The following GRIK4 variants were observed in gnomAD, a reference collection of about 807,000 sequenced individuals.
GRIK4 encodes the protein glutamate ionotropic receptor kainate type subunit 4.
A neutral mutation model predicts 104.9 loss-of-function variants in GRIK4; 40 were observed. The ratio of observed to expected loss-of-function variants is 0.38; its 90% confidence interval spans 0.30 to 0.50. GRIK4 has a LOEUF of 0.50. Among genes scored for constraint, GRIK4 ranks in the 20% least tolerant of loss-of-function variants. The pLI is 0.93. For synonymous variants in GRIK4, 485 were observed against 524.9 expected, an observed-to-expected ratio of 0.92 and a Z score of 1.04; for missense variants, 1,047 against 1,308.1, an observed-to-expected ratio of 0.80 and a Z score of 3.08.
intron 1 of GRIK4, among the ~76,000 whole-genome samples, chr11:120,518,652 C>A (rs1947759262): frequency 6.6e-6 from 1 of 152,150 alleles, no homozygotes; most frequent in African/African-American, 2.4e-5. Flanking sequence ...GAGATGGAGT[C>A]TGGCTCTGTT....
intron 7 of GRIK4, among the ~76,000 whole-genome samples, chr11:120,833,149 T>A (rs2135566934): frequency 6.7e-6 from 1 of 149,480 alleles, no homozygotes; most frequent in African/African-American, 2.4e-5. Flanking sequence ...GAGATTTGAA[T>A]GAGTTCTCTC....
chr11:120,514,150 G>A (rs775013062), intron 1 of GRIK4, among the ~76,000 whole-genome samples: 7 of 152,150 alleles, frequency 4.6e-5, no homozygotes, highest in South Asian at 2.1e-4. Flanking sequence ...GCAGCGAGGC[G>A]GAAGCTGGCC....
intron 3 of GRIK4, among the ~76,000 whole-genome samples, chr11:120,791,496 T>A (rs1035555263): frequency 1.3e-5 from 2 of 152,218 alleles, no homozygotes; most frequent in Non-Finnish European, 2.9e-5. Flanking sequence ...TCTTTACATA[T>A]TCTGGATACA....
chr11:120,682,335 G>A (rs1950207064), intron 3 of GRIK4, among the ~76,000 whole-genome samples: 1 of 152,224 alleles, frequency 6.6e-6, no homozygotes, highest in Non-Finnish European at 1.5e-5. Flanking sequence ...GGCCCAGCGA[G>A]GCTTCACTTG....
At chr11:120,859,680 C>T (rs1954208899) in intron 8 of GRIK4, among the ~76,000 whole-genome samples, 1 of 152,264 alleles carries the variant, frequency 6.6e-6, no homozygotes, top group African/African-American at 2.4e-5. Flanking sequence ...AATGCATCTT[C>T]TTCCATTAGC....
chr11:120,668,097 A>AGATG (rs1327311807), intron 3 of GRIK4, among the ~76,000 whole-genome samples: 41 of 132,740 alleles, frequency 3.1e-4, no homozygotes, highest in East Asian at 2.5e-3. Context: ...ATGGATAGAT[A>AGATG]GATGGATAGA....
chr11:120,650,350 G>A (rs893195788), intron 1 of GRIK4, among the ~76,000 whole-genome samples: 1 of 152,222 alleles, frequency 6.6e-6, no homozygotes, highest in African/African-American at 2.4e-5. Context: ...AATCAACAGA[G>A]TAGATACGCA....
intron 1 of GRIK4, among the ~76,000 whole-genome samples, chr11:120,546,098 G>A (rs947041640): frequency 6.6e-6 from 1 of 152,148 alleles, no homozygotes; most frequent in African/African-American, 2.4e-5. Context: ...GTCAGGTGTT[G>A]GCCCTGAGGT....
At chr11:120,707,266 T>A (rs963860879) in intron 3 of GRIK4, among the ~76,000 whole-genome samples, 1 of 152,080 alleles carries the variant, frequency 6.6e-6, no homozygotes, top group Admixed American at 6.5e-5. Context: ...CATCGATGTA[T>A]CAGTGTATCA....
chr11:120,717,147 C>T (rs188361668), intron 3 of GRIK4, among the ~76,000 whole-genome samples: 2 of 152,290 alleles, frequency 1.3e-5, no homozygotes, highest in Admixed American at 1.3e-4. Context: ...GGCCAGGTGC[C>T]CTGTGCTCAT....
chr11:120,611,134 TC>T (rs747828451), intron 1 of GRIK4, among the ~76,000 whole-genome samples: 11 of 152,040 alleles, frequency 7.2e-5, no homozygotes, highest in Non-Finnish European at 1.5e-4. Context: ...GGTGCAGAGA[TC>T]TAGGGACTCT....
chr11:120,798,858 C>T (rs1269655187), intron 3 of GRIK4, among the ~76,000 whole-genome samples: 1 of 152,192 alleles, frequency 6.6e-6, no homozygotes, highest in African/African-American at 2.4e-5. Context: ...GTCCTACAGA[C>T]CCTATTTTTT....
intron 3 of GRIK4, among the ~76,000 whole-genome samples, chr11:120,701,115 C>A (rs1289016089): frequency 1.3e-5 from 2 of 152,162 alleles, no homozygotes; most frequent in African/African-American, 2.4e-5. Context: ...GACTAAATCA[C>A]CAAACAAAGC....
chr11:120,551,977 G>T (rs924466109), intron 1 of GRIK4, among the ~76,000 whole-genome samples: 14 of 152,112 alleles, frequency 9.2e-5, no homozygotes, highest in African/African-American at 3.4e-4. Flanking sequence ...CTCACCCTAC[G>T]TATCTCTTCA....
intron 3 of GRIK4, among the ~76,000 whole-genome samples, chr11:120,682,836 T>C (rs912549652): frequency 6.6e-6 from 1 of 151,818 alleles, no homozygotes; most frequent in Non-Finnish European, 1.5e-5. Flanking sequence ...TCTCAACTTT[T>C]CTCTGCTTGA....
chr11:120,790,628 T>C (rs1287861510), intron 3 of GRIK4, among the ~76,000 whole-genome samples: 1 of 152,168 alleles, frequency 6.6e-6, no homozygotes, highest in Non-Finnish European at 1.5e-5. Context: ...CAAAGACATG[T>C]TGGGGCCAGA....
At chr11:120,872,221 A>C (rs980844492) in intron 9 of GRIK4, 12 of 308,876 alleles carry the variant, frequency 3.9e-5, no homozygotes, top group Non-Finnish European at 7.0e-5. Context: ...CAGGTAACAG[A>C]AATTGTTGCT....
At chr11:120,757,812 C>T (rs1375110283) in intron 3 of GRIK4, among the ~76,000 whole-genome samples, 1 of 152,082 alleles carries the variant, frequency 6.6e-6, no homozygotes, top group Non-Finnish European at 1.5e-5. Flanking sequence ...CTTCGGAGGG[C>T]AGGATCACTC....
intron 3 of GRIK4, among the ~76,000 whole-genome samples, chr11:120,785,362 A>G (rs1185822610): frequency 6.6e-6 from 1 of 151,936 alleles, no homozygotes; most frequent in African/African-American, 2.4e-5. Context: ...AAGAAAACCT[A>G]CAGGGAGGTG....
Sources: allele counts gnomAD v4.1 joint callset (sites outside exome capture counted in the v4.1 genomes callset), GRCh38; gene constraint gnomAD v4.1.1; transcripts MANE v1.5; gene names NCBI Gene and HGNC (gene_info 2026-07-23, HGNC 2026-07-21).